The following SIRT7 variants were observed in gnomAD, a reference collection of about 807,000 sequenced individuals.
SIRT7 encodes the protein NAD-dependent protein deacetylase sirtuin-7.
SIRT7 carries 32 observed loss-of-function variants against 42.8 expected under a neutral mutation model. That is an observed-to-expected ratio of 0.75 (90% CI 0.56 to 1.00). The LOEUF (loss-of-function observed/expected upper bound fraction) is 1.00, where lower values mean the gene tolerates loss of function less well. Among genes scored for constraint, SIRT7 ranks in the 50% least tolerant of loss-of-function variants. The pLI, the probability that SIRT7 is intolerant of heterozygous loss-of-function variation, is 0.00. For synonymous variants in SIRT7, 297 were observed against 245.2 expected (o/e 1.21, Z -1.97); for missense variants, 553 against 572.2 (o/e 0.97, Z 0.34).
Position 81,913,107 on chromosome 17 carries a change from A to G in SIRT7, c.1005-493T>C, listed in dbSNP as rs2040721232. On this transcript the variant is annotated intron_variant, in intron 9 of 9. Coordinates refer to ENST00000328666, the MANE Select transcript of SIRT7 (RefSeq NM_016538.3). The surrounding 1 kb of genome is among the most constrained non-coding windows in gnomAD (Gnocchi z 5.0). ...GCAGAACCACAGATCATAACTTAAG[A>G]TACAGATACGCACTGATAAGGAAAA... The G allele has an allele frequency of 2.8e-6, 1 of 357,864 alleles. No individual in the cohort carries two copies. 22.2% of individuals were successfully genotyped at this position (357,864 alleles called of 1,614,324 possible).
Position 81,917,873 on chromosome 17 carries a change from C to A in SIRT7, c.188G>T (p.Gly63Val). ...CAGGCCCTCGCGCCGCCGGCTCCGGCCCTGCAGCTCCGTTACCAGGTCCGC... is the reference window on the plus strand; with the variant it reads ...CAGGCCCTCGCGCCGCCGGCTCCGGACCTGCAGCTCCGTTACCAGGTCCGC... The part of the protein sequence containing the change: ...ESADLVTELQ[G>V]RSRRREGLKR... Residue 63 changes from glycine to valine, a missense_variant, in exon 2 of 10, where the codon GGC becomes GTC. Gly to Val is a moderately radical substitution (Grantham distance 109). Coordinates refer to ENST00000328666, the MANE Select transcript of SIRT7 (RefSeq NM_016538.3). 2 of 1,437,330 alleles carry A rather than the reference C, an allele frequency of 1.4e-6. No homozygotes were observed. Among genetic ancestry groups the A allele is most frequent in the South Asian group, 1.4e-5 (1 of 73,134 alleles). 89.0% of individuals were successfully genotyped at this position (1,437,330 alleles called of 1,614,324 possible).
chr17:81,917,485 T>C, intron 3 of SIRT7, 130 bp downstream of exon 3: 1 of 773,962 alleles, frequency 1.3e-6, no homozygotes, highest in Non-Finnish European at 1.9e-6. Flanking sequence ...AAAAAGCGTT[T>C]ACCTTAGGTA....
Position 81,914,604 on chromosome 17 carries a change from T to C in SIRT7, c.579A>G (p.Glu193=). ...ISELHGNMYI[E]VCTSCVPNRE... is the part of the protein sequence containing the mutation. Reference sequence around the variant, plus strand: ...CCTGGGTCCCTGCAGGACTGCTCACTTCAATGTACATGTTCCCGTGGAGCT... The same window carrying C: ...CCTGGGTCCCTGCAGGACTGCTCACCTCAATGTACATGTTCCCGTGGAGCT... The change falls in exon 6 of 10, where the codon GAA becomes GAG. Residue 193 remains glutamate (E), a splice_region_variant and synonymous_variant. Transcript: ENST00000328666. 1 of 1,613,170 alleles carries C rather than the reference T, an allele frequency of 6.2e-7. No individual in the cohort carries two copies. Among genetic ancestry groups the C allele is most frequent in the Non-Finnish European group, 8.5e-7 (1 of 1,179,952 alleles).
Position 81,914,384 on chromosome 17 carries a change from CCT to C in SIRT7, c.724_725del (p.Arg242GlyfsTer46), listed in dbSNP as rs1464612642. The C allele has an allele frequency of 1.2e-6, 2 of 1,613,020 alleles. No homozygotes were observed. The highest frequency in any genetic ancestry group is 1.7e-6 in the Non-Finnish European group (2 of 1,180,020). On this transcript the variant is annotated frameshift_variant, in exon 7 of 10. Coordinates refer to ENST00000328666, the MANE Select transcript of SIRT7 (RefSeq NM_016538.3). LOFTEE classifies it high-confidence loss of function. ...AGTTCAAAGGCTGCCCCAACGTCCC[CCT>C]CTCCCCAAAGTGCACAATGGTGTCC... ...LRDTIVHFGE[R>X]GTLGQPLNWE... is the part of the protein sequence containing the mutation.
Position 81,913,758 on chromosome 17 carries a change from G to A in SIRT7, c.1004+16C>T, listed in dbSNP as rs202116078. Reference sequence around the variant, plus strand: ...CAGAGGTGCGGGGAAGCAGGCTGCTGCAGCGGCTCACTCACCTGCTATAGG... The same window carrying A: ...CAGAGGTGCGGGGAAGCAGGCTGCTACAGCGGCTCACTCACCTGCTATAGG... On this transcript the variant is annotated intron_variant, in intron 9 of 9. Coordinates refer to ENST00000328666, the MANE Select transcript of SIRT7 (RefSeq NM_016538.3). The surrounding 1 kb of genome is among the most constrained non-coding windows in gnomAD (Gnocchi z 5.0). 880 of 1,542,356 alleles carry A rather than the reference G, an allele frequency of 5.7e-4. No homozygotes were observed. The highest frequency in any genetic ancestry group is 7.6e-4 in the Non-Finnish European group (863 of 1,141,296).
intron 5 of SIRT7, 117 bp downstream of exon 5, chr17:81,915,323 G>A: frequency 8.5e-7 from 1 of 1,170,892 alleles, no homozygotes; most frequent in South Asian, 1.4e-5. Context: ...CCGCTTGGTG[G>A]GTGCTCATCA....
chr17:81,912,345 G>T lies in SIRT7; in HGVS notation c.*71C>A. The T allele has an allele frequency of 6.3e-7, 1 of 1,581,450 alleles. No homozygotes were observed. The highest frequency in any genetic ancestry group is 1.1e-5 in the South Asian group (1 of 90,292). ...AAGAGTTCGTTCTCCCTAGACCCGT[G>T]GGGGCAACCCAGCCTTCACCGTGAC... On this transcript the variant is annotated 3_prime_UTR_variant, in exon 10 of 10. Transcript: ENST00000328666.
chr17:81,912,822 A>G, intron 9 of SIRT7: 1 of 624,544 alleles, frequency 1.6e-6, no homozygotes, highest in African/African-American at 1.8e-5. Flanking sequence ...TGGTGACTCA[A>G]AGGTCGGCAC....
chr17:81,917,455 AAC>A (rs924880977), intron 3 of SIRT7, 158 bp downstream of exon 3: 30 of 594,492 alleles, frequency 5.0e-5, no homozygotes, highest in African/African-American at 3.5e-4. Flanking sequence ...AACTGGCTGT[AAC>A]ACAGAGGCCA....
rs199651852 is a variant in SIRT7 at position 81,913,780 on chromosome 17, T to C, written c.998A>G (p.Tyr333Cys). ...MAELGLEIPA[Y>C]SRWQDPIFSL... is the part of the protein sequence containing the mutation. ...GCTGCAGCGGCTCACTCACCTGCTA[T>C]AGGCGGGGATCTCCAAGCCCAGCTC... Residue 333 changes from tyrosine (Y) to cysteine (C), a missense_variant, in exon 9 of 10, where the codon TAT (tyrosine) becomes TGT (cysteine). Coordinates refer to ENST00000328666, the MANE Select transcript of SIRT7 (RefSeq NM_016538.3). The surrounding 1 kb of genome is among the most constrained non-coding windows in gnomAD (Gnocchi z 5.0). 2.6e-6 allele frequency: 4 copies of C among 1,548,376 alleles called. No homozygotes were observed. Among genetic ancestry groups the C allele is most frequent in the South Asian group, 1.2e-5 (1 of 83,994 alleles).
intron 9 of SIRT7, chr17:81,912,845 G>C: frequency 1.7e-6 from 1 of 597,232 alleles, no homozygotes; most frequent in South Asian, 1.9e-5. Flanking sequence ...ACACTAGCTC[G>C]GTCTCCTCAA....
chr17:81,912,329 T>C lies in SIRT7; in HGVS notation c.*87A>G. ...GAAAATGTCATCCCCAAAGAGTTCGTTCTCCCTAGACCCGTGGGGGCAACC... is the reference window on the plus strand; with the variant it reads ...GAAAATGTCATCCCCAAAGAGTTCGCTCTCCCTAGACCCGTGGGGGCAACC... On this transcript the variant is annotated 3_prime_UTR_variant, in exon 10 of 10. Transcript: ENST00000328666. The C allele has an allele frequency of 2.6e-6, 4 of 1,517,212 alleles. No homozygotes were observed. The highest frequency in any genetic ancestry group is 3.7e-6 in the Non-Finnish European group (4 of 1,093,644). The allele number at this position is 1,517,212 out of a possible 1,614,324, so 94.0% of individuals were successfully genotyped here.
intron 3 of SIRT7, chr17:81,916,235 A>G (rs554951394): frequency 6.3e-6 from 1 of 158,484 alleles, no homozygotes; most frequent in South Asian, 1.7e-4. Flanking sequence ...CAGAGGGCAC[A>G]CAAGATATGC....
chr17:81,913,899 G>C lies in SIRT7; in HGVS notation c.898-19C>G, dbSNP rs201580163. ...GGGTCCACTGAGGACAGGGAAAGCC[G>C]AGTGAGAGTAACAGCAGCCCAACCC... On this transcript the variant is annotated intron_variant, in intron 8 of 9. Coordinates refer to ENST00000328666, the MANE Select transcript of SIRT7 (RefSeq NM_016538.3). This position sits in a 1 kb window ranked among gnomAD's most constrained non-coding sequence, Gnocchi z 5.0. 1 of 1,549,202 alleles carries C rather than the reference G, an allele frequency of 6.5e-7. No homozygotes were observed. Among genetic ancestry groups the C allele is most frequent in the Non-Finnish European group, 8.7e-7 (1 of 1,145,832 alleles).
chr17:81,914,501 C>A lies in SIRT7; in HGVS notation c.609G>T (p.Glu203Asp). 6.2e-7 allele frequency: 1 copy of A among 1,613,246 alleles called. No individual in the cohort carries two copies. The highest frequency in any genetic ancestry group is 8.5e-7 in the Non-Finnish European group (1 of 1,180,016). ...EVCTSCVPNR[E>D]YVRVFDVTER... ...CCGTCACATCGAACACCCGCACGTA[C>A]TCCCTGTTGGGAACGCAGGAGGTAC... is the stretch of plus-strand genomic sequence containing the variant. The change falls in exon 7 of 10, where the codon GAG (glutamate) becomes GAT (aspartate). Residue 203 changes from glutamate (E) to aspartate (D), a missense_variant. Physicochemically the swap from Glu to Asp is conservative, Grantham distance 45. Coordinates refer to ENST00000328666, the MANE Select transcript of SIRT7 (RefSeq NM_016538.3).
rs201841580 is a variant in SIRT7 at position 81,914,142 on chromosome 17, C to T, written c.842G>A (p.Trp281Ter). The change falls in exon 8 of 10, where the codon TGG becomes TAG. Residue 281 changes from tryptophan (W) to a stop codon, truncating the protein, a stop_gained. Transcript: ENST00000328666. LOFTEE classifies it high-confidence loss of function. ...CCGGCTAGGGGGCTTGGTCATGCACCAGAGGCGTGGGTACTTCTTTAGAAC... is the reference window on the plus strand; with the variant it reads ...CCGGCTAGGGGGCTTGGTCATGCACTAGAGGCGTGGGTACTTCTTTAGAAC... Reference protein sequence around the residue: ...LKVLKKYPRLWCMTKPPSRRP... With the variant: ...LKVLKKYPRL 1.2e-6 allele frequency: 2 copies of T among 1,613,650 alleles called. No individual in the cohort carries two copies. Among genetic ancestry groups the T allele is most frequent in the Non-Finnish European group, 1.7e-6 (2 of 1,180,020 alleles).
Position 81,914,631 on chromosome 17 carries a change from G to A in SIRT7, c.552C>T (p.Ser184=), listed in dbSNP as rs747674461. Residue 184 remains serine, a synonymous_variant, in exon 6 of 10, where the codon TCC becomes TCT. Transcript: ENST00000328666. The part of the protein sequence containing the change: ...LRSGLPRTAI[S]ELHGNMYIEV... ...CAATGTACATGTTCCCGTGGAGCTC[G>A]GAGATGGCCGTGCGCGGCAGCCCAC... 22 of 1,613,140 alleles carry A rather than the reference G, an allele frequency of 1.4e-5. No individual in the cohort carries two copies. The highest frequency in any genetic ancestry group is 2.2e-5 in the East Asian group (1 of 44,888).
In SIRT7 at chr17:81,913,911, C is replaced by A. The variant is rs2040741074; in HGVS notation, c.898-31G>T. On this transcript the variant is annotated intron_variant, in intron 8 of 9. Coordinates refer to ENST00000328666, the MANE Select transcript of SIRT7 (RefSeq NM_016538.3). This position sits in a 1 kb window ranked among gnomAD's most constrained non-coding sequence, Gnocchi z 5.0. Reference sequence around the variant, plus strand: ...GACAGGGAAAGCCGAGTGAGAGTAACAGCAGCCCAACCCTTCCCGGTGGCC... The same window carrying A: ...GACAGGGAAAGCCGAGTGAGAGTAAAAGCAGCCCAACCCTTCCCGGTGGCC... 1 of 1,547,682 alleles carries A rather than the reference C, an allele frequency of 6.5e-7. No individual in the cohort carries two copies. Among genetic ancestry groups the A allele is most frequent in the Admixed American group, 2.0e-5 (1 of 51,170 alleles).
chr17:81,915,637 T>G lies in SIRT7; in HGVS notation c.381A>C (p.Thr127=). Residue 127 remains threonine (T), a synonymous_variant, in exon 4 of 10, where the codon ACA becomes ACC. Coordinates refer to ENST00000328666, the MANE Select transcript of SIRT7 (RefSeq NM_016538.3). ...PDYRGPNGVW[T]LLQKGRSVSA... Reference sequence around the variant, plus strand: ...TAACGCTTCTCCCTTTCTGAAGCAGTGTCCACACTCCATTAGGGCCCCGGT... The same window carrying G: ...TAACGCTTCTCCCTTTCTGAAGCAGGGTCCACACTCCATTAGGGCCCCGGT... 6.2e-7 allele frequency: 1 copy of G among 1,613,950 alleles called. No individual in the cohort carries two copies. Among genetic ancestry groups the G allele is most frequent in the Non-Finnish European group, 8.5e-7 (1 of 1,180,004 alleles).
Sources: allele counts gnomAD v4.1 joint callset, GRCh38; gene constraint gnomAD v4.1.1; non-coding constraint Gnocchi (gnomAD v3.1); transcripts MANE v1.5; gene names NCBI Gene and HGNC (gene_info 2026-07-23, HGNC 2026-07-21).